Variants in ATP2B2 observed in about 807,000 individuals in gnomAD.
ATP2B2 encodes plasma membrane calcium-transporting ATPase 2.
Under a neutral mutation model 120.0 loss-of-function variants are expected in ATP2B2, and 15 were observed. The ratio of observed to expected loss-of-function variants is 0.12; its 90% confidence interval spans 0.08 to 0.19. The LOEUF is 0.19. Among genes scored for constraint, ATP2B2 ranks in the 10% least tolerant of loss-of-function variants. ATP2B2 has a pLI of 1.00. For missense variants in ATP2B2, 1,045 were observed against 1,719.8 expected (o/e 0.61, Z 6.94); for synonymous variants, 694 against 700.3 (o/e 0.99, Z 0.14).
At chr3:10,373,195 G>T (rs1034942869) in intron 11 of ATP2B2, among the ~76,000 whole-genome samples, 2 of 152,178 alleles carry the variant, frequency 1.3e-5, no homozygotes, top group Non-Finnish European at 2.9e-5. Flanking sequence ...CTTCTTGTCC[G>T]ATGTTTTAAG....
chr3:10,345,583 G>A lies in ATP2B2; in HGVS notation c.2512-8C>T. 1 of 1,613,742 alleles carries A rather than the reference G, an allele frequency of 6.2e-7. No homozygotes were observed. Among genetic ancestry groups the A allele is most frequent in the Non-Finnish European group, 8.5e-7 (1 of 1,179,666 alleles). On this transcript the variant is annotated splice_region_variant and splice_polypyrimidine_tract_variant and intron_variant, in intron 17 of 22. Transcript: ENST00000360273. ...GTCAGTGCCTGCGATGCCCTGTGGG[G>A]ACAGGGACAGGAGGCTGGGTGGGGT...
chr3:10,352,745 A>G (rs1371917378), intron 14 of ATP2B2, among the ~76,000 whole-genome samples: 2 of 152,196 alleles, frequency 1.3e-5, no homozygotes, highest in Admixed American at 1.3e-4. Flanking sequence ...GATCTTGTTT[A>G]TATAACTTAC....
At chr3:10,418,627 T>G (rs34919) in intron 2 of ATP2B2, among the ~76,000 whole-genome samples, 102,796 of 152,116 alleles carry the variant, frequency 0.68, 36,323 homozygotes, top group African/African-American at 0.88. Context: ...TCCAGCAAAG[T>G]GACCCCAGAG....
intron 2 of ATP2B2, among the ~76,000 whole-genome samples, chr3:10,619,709 T>G (rs1324301015): frequency 6.6e-6 from 1 of 152,200 alleles, no homozygotes; most frequent in Non-Finnish European, 1.5e-5. Flanking sequence ...AAGGAGTTTT[T>G]GAAAGCCACT....
At chr3:10,364,077 T>C (rs886109421) in intron 12 of ATP2B2, among the ~76,000 whole-genome samples, 1 of 152,202 alleles carries the variant, frequency 6.6e-6, no homozygotes, top group Non-Finnish European at 1.5e-5. Context: ...TGATACATGC[T>C]ACCACATGAA....
At chr3:10,582,586 T>C (rs963869002) in intron 2 of ATP2B2, among the ~76,000 whole-genome samples, 2 of 152,212 alleles carry the variant, frequency 1.3e-5, no homozygotes, top group African/African-American at 4.8e-5. Context: ...GGGCAGAAGG[T>C]CTGCAGTTGG....
chr3:10,426,587 A>T (rs2063151687), intron 2 of ATP2B2, among the ~76,000 whole-genome samples: 1 of 152,188 alleles, frequency 6.6e-6, no homozygotes, highest in Non-Finnish European at 1.5e-5. Context: ...CAAGGCCATG[A>T]AGGCCACAGA....
intron 3 of ATP2B2, among the ~76,000 whole-genome samples, chr3:10,518,127 T>C (rs1357100103): frequency 6.6e-6 from 1 of 152,190 alleles, no homozygotes; most frequent in East Asian, 1.9e-4. Context: ...ACTCCAGTAA[T>C]GATGTTTGCC....
At chr3:10,339,910 T>C (rs1376072105) in intron 21 of ATP2B2, among the ~76,000 whole-genome samples, 1 of 152,226 alleles carries the variant, frequency 6.6e-6, no homozygotes, top group Non-Finnish European at 1.5e-5. Flanking sequence ...TTAGCTTCCA[T>C]TTATGACAAG....
chr3:10,484,519 T>C (rs2065555082), intron 1 of ATP2B2, among the ~76,000 whole-genome samples: 1 of 152,100 alleles, frequency 6.6e-6, no homozygotes, highest in African/African-American at 2.4e-5. Flanking sequence ...CACCTGCTGC[T>C]GCCACCACCC....
chr3:10,683,760 G>GTGTGTGTGTATA (rs1446781892), intron 1 of ATP2B2, among the ~76,000 whole-genome samples: 1 of 53,884 alleles, frequency 1.9e-5, no homozygotes, highest in African/African-American at 5.6e-5. Flanking sequence ...GTGTGTGTGT[G>GTGTGTGTGTATA]TATATATATA....
intron 11 of ATP2B2, among the ~76,000 whole-genome samples, chr3:10,373,170 C>A (rs1160355190): frequency 6.6e-6 from 1 of 152,162 alleles, no homozygotes; most frequent in Non-Finnish European, 1.5e-5. Context: ...GTTTGCAAAG[C>A]CTTGTTGTGA....
Position 10,497,231 on chromosome 3 carries a change from C to A in ATP2B2, c.-320+8234G>T, listed in dbSNP as rs946817752. Among the ~76,000 whole-genome samples the A allele has an allele frequency of 2.0e-5, 3 of 152,218 alleles. No homozygotes were observed. In the South Asian group the frequency reaches 6.2e-4, roughly 32 times the overall value. ...GCTGGTGGCTTCTTCTAGAAACCCT[C>A]CTCTCCATGGCAAGAACTGCTTTCT... is the stretch of plus-strand genomic sequence containing the variant. On this transcript the variant is annotated intron_variant, in intron 1 of 22. Transcript: ENST00000360273.
chr3:10,390,620 C>T (rs1268840504), intron 5 of ATP2B2, among the ~76,000 whole-genome samples: 16 of 152,120 alleles, frequency 1.1e-4, no homozygotes, highest in Admixed American at 6.5e-4. Flanking sequence ...CTTTCAGGCA[C>T]GTAAATGCCA....
At position 10,375,066 on chromosome 3, in the gene ATP2B2, T is replaced by C. The variant is rs947313290; in HGVS notation, c.1416+364A>G. 6.6e-6 allele frequency among the ~76,000 whole-genome samples: 1 copy of C among 152,188 alleles called. No homozygotes were observed. The highest frequency in any genetic ancestry group is 1.5e-5 in the Non-Finnish European group (1 of 68,036). On this transcript the variant is annotated intron_variant, in intron 11 of 22. Transcript: ENST00000360273. This position sits in a 1 kb window ranked among gnomAD's most constrained non-coding sequence, Gnocchi z 4.2. Reference sequence around the variant, plus strand: ...TGTCTTTATTATTTTTTTAAAATTTTTGAGTTGATTATCAATGTCTAAAAA... The same window carrying C: ...TGTCTTTATTATTTTTTTAAAATTTCTGAGTTGATTATCAATGTCTAAAAA...
intron 3 of ATP2B2, among the ~76,000 whole-genome samples, chr3:10,405,276 T>C (rs929708): frequency 0.31 from 47,121 of 152,026 alleles, 7,558 homozygotes; most frequent in Middle Eastern, 0.42. Flanking sequence ...ATATGCACCC[T>C]ATTCCAACTC....
At chr3:10,389,388 GTCTATACACTC>G (rs1311264276) in intron 5 of ATP2B2, among the ~76,000 whole-genome samples, 1 of 152,112 alleles carries the variant, frequency 6.6e-6, no homozygotes, top group African/African-American at 2.4e-5. Flanking sequence ...GAGAAATATG[GTCTATACACTC>G]AATGGAATAT....
intron 22 of ATP2B2, chr3:10,335,994 G>A (rs929781655): frequency 2.2e-5 from 24 of 1,096,476 alleles, no homozygotes; most frequent in Admixed American, 1.1e-4. Context: ...GACCCTCTTC[G>A]GTGGCTGGGA....
intron 1 of ATP2B2, among the ~76,000 whole-genome samples, chr3:10,685,698 T>G (rs991064865): frequency 6.6e-6 from 1 of 152,152 alleles, no homozygotes; most frequent in East Asian, 1.9e-4. Flanking sequence ...CACCCTATGG[T>G]CTAGTGGTGG....
Sources: gnomAD v4.1 joint callset for allele counts (sites outside exome capture counted in the v4.1 genomes callset) on GRCh38, gnomAD v4.1.1 for gene constraint, Gnocchi (gnomAD v3.1) non-coding constraint, MANE v1.5 for transcripts, NCBI Gene and HGNC (gene_info 2026-07-23, HGNC 2026-07-21) for gene names.